RBM20: variants seen among roughly 807,000 people sequenced by gnomAD.
RBM20 encodes RNA binding motif protein 20.
RBM20 carries 51 observed loss-of-function variants against 110.1 expected under a neutral mutation model. The ratio of observed to expected loss-of-function variants is 0.46; its 90% CI spans 0.37 to 0.59. RBM20 has a LOEUF of 0.59. RBM20 is among the 20% of genes least tolerant of loss of function. The pLI is 0.00. For synonymous variants in RBM20, 589 were observed against 618.2 expected, an observed-to-expected ratio of 0.95 and a Z score of 0.70; for missense variants, 1,512 against 1,574.9, an observed-to-expected ratio of 0.96 and a Z score of 0.68.
intron 1 of RBM20, among the ~76,000 whole-genome samples, chr10:110,694,065 CTT>C (rs1449352686): frequency 2.6e-5 from 4 of 152,220 alleles, no homozygotes; most frequent in Admixed American, 1.3e-4. Flanking sequence ...AGCTTTGTGA[CTT>C]TCCTGTGTGC....
chr10:110,733,031 G>T (rs1843634884), intron 1 of RBM20, among the ~76,000 whole-genome samples: 1 of 152,080 alleles, frequency 6.6e-6, no homozygotes, highest in African/African-American at 2.4e-5. Flanking sequence ...ATCCCTGCTG[G>T]ACATCCTAAT....
intron 1 of RBM20, among the ~76,000 whole-genome samples, chr10:110,674,614 A>G (rs978962894): frequency 6.6e-6 from 1 of 152,238 alleles, no homozygotes; most frequent in African/African-American, 2.4e-5. Flanking sequence ...TTTAATCCAA[A>G]TAATTTGAAT....
intron 9 of RBM20, among the ~76,000 whole-genome samples, chr10:110,815,523 C>T (rs911669653): frequency 3.3e-5 from 5 of 152,160 alleles, no homozygotes; most frequent in Non-Finnish European, 7.3e-5. Context: ...GTCCAAGTTG[C>T]TGGTGATGGA....
At chr10:110,752,921 A>C (rs1843872131) in intron 1 of RBM20, among the ~76,000 whole-genome samples, 1 of 107,918 alleles carries the variant, frequency 9.3e-6, no homozygotes, top group South Asian at 2.8e-4. Flanking sequence ...ATATTTATAC[A>C]TATATATATA....
At chr10:110,792,366 T>A (rs1214482333) in intron 5 of RBM20, among the ~76,000 whole-genome samples, 2 of 152,198 alleles carry the variant, frequency 1.3e-5, no homozygotes, top group Non-Finnish European at 2.9e-5. Flanking sequence ...AACACATCCT[T>A]TAACTGTTGG....
intron 1 of RBM20, among the ~76,000 whole-genome samples, chr10:110,692,173 GTAGT>G (rs1250504819): frequency 6.6e-6 from 1 of 152,054 alleles, no homozygotes; most frequent in Non-Finnish European, 1.5e-5. Context: ...CTGTAGCTTT[GTAGT>G]TAGTTTTGAA....
intron 6 of RBM20, 143 bp from the exon 7 acceptor site, chr10:110,799,644 G>C: frequency 1.4e-6 from 1 of 736,390 alleles, no homozygotes; most frequent in South Asian, 2.4e-5. Flanking sequence ...CCACCTGAGA[G>C]AGAAGCTCAA....
At chr10:110,710,977 C>G (rs1862917698) in intron 1 of RBM20, among the ~76,000 whole-genome samples, 1 of 152,106 alleles carries the variant, frequency 6.6e-6, no homozygotes, top group East Asian at 1.9e-4. Flanking sequence ...CCGGATTTCT[C>G]CAGGGTCATC....
rs1845173042 is a variant in RBM20 at position 110,839,220 on chromosome 10, A to T, written c.*3242A>T. The T allele has an allele frequency of 6.6e-6, 1 of 152,220 alleles. No individual in the cohort carries two copies. The highest frequency in any genetic ancestry group is 2.4e-5 in the African/African-American group (1 of 41,470). The allele number at this position is 152,220 out of a possible 1,614,324, so 9.4% of individuals were successfully genotyped here. On this transcript the variant is annotated 3_prime_UTR_variant, in exon 14 of 14. Transcript: ENST00000369519. ...GCAGCCGTTAGTATCAGGGTTTCCC[A>T]TTCTTGGACAGTCCGAGGCTGTGAC... is the stretch of plus-strand genomic sequence containing the variant.
intron 7 of RBM20, among the ~76,000 whole-genome samples, chr10:110,802,063 T>C (rs1183599151): frequency 6.6e-6 from 1 of 152,248 alleles, no homozygotes; most frequent in Non-Finnish European, 1.5e-5. Flanking sequence ...TAATTAATGC[T>C]GTATTAGTGT....
chr10:110,647,860 G>A (rs1861890612), intron 1 of RBM20, among the ~76,000 whole-genome samples: 2 of 152,178 alleles, frequency 1.3e-5, no homozygotes, highest in Non-Finnish European at 2.9e-5. Context: ...GCACTCATTA[G>A]AATGAAAACA....
chr10:110,725,488 C>A (rs1376171421), intron 1 of RBM20, among the ~76,000 whole-genome samples: 1 of 152,154 alleles, frequency 6.6e-6, no homozygotes, highest in Non-Finnish European at 1.5e-5. Context: ...AATCTTTCTC[C>A]TAAACAATTA....
intron 1 of RBM20, among the ~76,000 whole-genome samples, chr10:110,772,388 C>T (rs1366871860): frequency 2.6e-5 from 4 of 152,200 alleles, no homozygotes; most frequent in African/African-American, 4.8e-5. Context: ...TGCCTCTGAA[C>T]GAAGCCATAT....
At chr10:110,830,443 T>C (rs1206658328) in intron 12 of RBM20, among the ~76,000 whole-genome samples, 1 of 152,174 alleles carries the variant, frequency 6.6e-6, no homozygotes, top group Non-Finnish European at 1.5e-5. Flanking sequence ...GTTAATGATA[T>C]ACAATTTCAC....
intron 5 of RBM20, among the ~76,000 whole-genome samples, chr10:110,796,481 A>T (rs146038658): frequency 5.1e-4 from 78 of 152,372 alleles, no homozygotes; most frequent in African/African-American, 1.8e-3. Flanking sequence ...TAACTTAACA[A>T]TCTGTCTTAA....
chr10:110,812,122 C>G (rs551247020), intron 8 of RBM20, among the ~76,000 whole-genome samples, 156 bp from the exon 9 acceptor site: 1 of 152,316 alleles, frequency 6.6e-6, no homozygotes, highest in South Asian at 2.1e-4. Context: ...AAGGCTTTCT[C>G]CTGAACCACT....
At chr10:110,805,688 C>CGGGA (rs773516942) in intron 7 of RBM20, among the ~76,000 whole-genome samples, 5 of 152,204 alleles carry the variant, frequency 3.3e-5, no homozygotes, top group Non-Finnish European at 5.9e-5. Flanking sequence ...AGGGCTGGGG[C>CGGGA]TGCTCTTCCT....
At chr10:110,779,470 C>A (rs1041002570) in intron 1 of RBM20, among the ~76,000 whole-genome samples, 5 of 152,226 alleles carry the variant, frequency 3.3e-5, no homozygotes, top group Non-Finnish European at 7.3e-5. Flanking sequence ...TGTCATATAT[C>A]CTTTCTAATA....
intron 1 of RBM20, among the ~76,000 whole-genome samples, chr10:110,744,936 C>T (rs1463186719): frequency 6.6e-6 from 1 of 152,180 alleles, no homozygotes; most frequent in Non-Finnish European, 1.5e-5. Flanking sequence ...ACCTTACTGT[C>T]CTCCCAGCAC....
Sources: allele counts gnomAD v4.1 joint callset (sites outside exome capture counted in the v4.1 genomes callset), GRCh38; gene constraint gnomAD v4.1.1; transcripts MANE v1.5; gene names NCBI Gene and HGNC (gene_info 2026-07-23, HGNC 2026-07-21).